TENM3: variants seen among roughly 807,000 people sequenced by gnomAD.
TENM3 encodes the protein teneurin transmembrane protein 3.
In TENM3, 63 loss-of-function variants were observed where a neutral mutation model predicts 255.1. The observed-to-expected ratio is 0.25, with a 90% CI of 0.20 to 0.30. The LOEUF (loss-of-function observed/expected upper bound fraction) is 0.30, where lower values mean the gene tolerates loss of function less well. Among genes scored for constraint, TENM3 ranks in the 10% least tolerant of loss-of-function variants. TENM3 has a pLI of 1.00. For synonymous variants in TENM3, 1,306 were observed against 1,322.3 expected (o/e 0.99, Z 0.27); for missense variants, 2,929 against 3,461.1 (o/e 0.85, Z 3.86).
the TENM3 span, among the ~76,000 whole-genome samples, chr4:181,923,401 G>A: frequency 6.6e-6 from 1 of 152,048 alleles, no homozygotes; most frequent in Non-Finnish European, 1.5e-5. Flanking sequence ...ATAAAGTCTG[G>A]GGACACATTA....
chr4:182,542,460 T>C (rs1197467829), intron 3 of TENM3, among the ~76,000 whole-genome samples: 2 of 152,202 alleles, frequency 1.3e-5, no homozygotes, highest in Non-Finnish European at 2.9e-5. Context: ...ATACAAATTC[T>C]TGAAGGAGAT....
Position 182,773,505 on chromosome 4 carries a change from G to T in TENM3, c.4926G>T (p.Thr1642=), listed in dbSNP as rs553027204. The T allele has an allele frequency of 3.7e-6, 6 of 1,613,086 alleles. No individual in the cohort carries two copies. Among genetic ancestry groups the T allele is most frequent in the African/African-American group, 2.7e-5 (2 of 75,016 alleles). The part of the protein sequence containing the change: ...YDSEGRLTNV[T]FPTGVVTNLH... ...GTGAAGGTCGTCTGACAAATGTTACGTTTCCAACTGGAGTGGTCACAAACC... is the reference window on the plus strand; with the variant it reads ...GTGAAGGTCGTCTGACAAATGTTACTTTTCCAACTGGAGTGGTCACAAACC... Residue 1642 remains threonine (T), a synonymous_variant, in exon 23 of 28, where the codon ACG becomes ACT. Coordinates refer to ENST00000511685, the MANE Select transcript of TENM3 (RefSeq NM_001080477.4).
the TENM3 span, among the ~76,000 whole-genome samples, chr4:181,890,673 AGT>A: frequency 6.6e-6 from 1 of 152,110 alleles, no homozygotes; most frequent in East Asian, 1.9e-4. Context: ...TCTTATCAGA[AGT>A]GTCTATTATA....
At chr4:182,435,951 A>AG (rs1491457499) in intron 3 of TENM3, among the ~76,000 whole-genome samples, 1 of 152,096 alleles carries the variant, frequency 6.6e-6, no homozygotes, top group African/African-American at 2.4e-5. Context: ...GAAAAAAAAA[A>AG]GAAATGGCAT....
chr4:182,274,309 C>T (rs184244015), intron 1 of TENM3, among the ~76,000 whole-genome samples: 49 of 152,236 alleles, frequency 3.2e-4, no homozygotes, highest in East Asian at 1.9e-4. Context: ...AGGGCAAGGA[C>T]GGAGAGGCCT....
the TENM3 span, among the ~76,000 whole-genome samples, chr4:181,870,040 T>C: frequency 1.3e-5 from 2 of 152,178 alleles, no homozygotes; most frequent in Non-Finnish European, 2.9e-5. Flanking sequence ...AAGGTTGGTT[T>C]TACCTACCCT....
rs779343065 is a variant in TENM3, at chr4:182,773,591, A to T, written c.5012A>T (p.Asp1671Val). 1 of 1,613,902 alleles carries T rather than the reference A, an allele frequency of 6.2e-7. No homozygotes were observed. Among genetic ancestry groups the T allele is most frequent in the South Asian group, 1.1e-5 (1 of 91,056 alleles). ...VDIESSSREEDVSITSNLSSI... is the reference protein window; with the variant it reads ...VDIESSSREEVVSITSNLSSI... Reference sequence around the variant, plus strand: ...ATTGAGTCATCTAGCCGAGAAGAAGATGTCAGCATCACTTCAAATCTGTCC... The same window carrying T: ...ATTGAGTCATCTAGCCGAGAAGAAGTTGTCAGCATCACTTCAAATCTGTCC... The change falls in exon 23 of 28, where the codon GAT becomes GTT. Residue 1671 changes from aspartate to valine, a missense_variant. Asp to Val is a radical substitution (Grantham distance 152). Around this residue, in one of 6 missense-constraint regions of TENM3, gnomAD observed 1,608 missense variants for 1,884.4 expected, o/e 0.85. Transcript: ENST00000511685.
chr4:182,684,314 G>A (rs898913881), intron 11 of TENM3, among the ~76,000 whole-genome samples: 1 of 150,926 alleles, frequency 6.6e-6, no homozygotes, highest in Non-Finnish European at 1.5e-5. Flanking sequence ...TTCAGTGAAG[G>A]GGTCTATCTA....
the TENM3 span, among the ~76,000 whole-genome samples, chr4:181,930,147 A>T: frequency 6.6e-6 from 1 of 152,180 alleles, no homozygotes; most frequent in East Asian, 1.9e-4. Context: ...ATCAAAAGCT[A>T]ACAAAAACAA....
chr4:181,800,293 C>T, the TENM3 span, among the ~76,000 whole-genome samples: 5 of 152,110 alleles, frequency 3.3e-5, no homozygotes, highest in African/African-American at 9.7e-5. Flanking sequence ...ATACTAAGAA[C>T]AGCCACCCAA....
chr4:181,898,012 C>A, the TENM3 span, among the ~76,000 whole-genome samples: 1 of 152,178 alleles, frequency 6.6e-6, no homozygotes. Flanking sequence ...ACCAACAATT[C>A]TATTTCTCTA....
rs1764858869 is a variant in TENM3, at chr4:182,346,939, C to T, written c.511+10C>T. 1.9e-6 allele frequency: 3 copies of T among 1,573,710 alleles called. No individual in the cohort carries two copies. The highest frequency in any genetic ancestry group is 1.4e-5 in the African/African-American group (1 of 73,944). On this transcript the variant is annotated intron_variant, in intron 3 of 27. Transcript: ENST00000511685. Reference sequence around the variant, plus strand: ...TCCGACAGTGAGAATGGTAAGTTTCCTTTTTGGCTTTATAATGTTGGCATT... The same window carrying T: ...TCCGACAGTGAGAATGGTAAGTTTCTTTTTTGGCTTTATAATGTTGGCATT...
chr4:181,544,564 G>A, the TENM3 span, among the ~76,000 whole-genome samples: 70 of 152,180 alleles, frequency 4.6e-4, no homozygotes, highest in African/African-American at 1.6e-3. Flanking sequence ...GCCCCCTGCC[G>A]CTGTCAGTTG....
At chr4:181,841,946 T>G in the TENM3 span, among the ~76,000 whole-genome samples, 11 of 152,132 alleles carry the variant, frequency 7.2e-5, no homozygotes, top group Non-Finnish European at 1.5e-4. Context: ...AAGGGGAGTT[T>G]TATAGATAAA....
Position 182,798,632 on chromosome 4 carries a change from C to T in TENM3, c.7345-964C>T, listed in dbSNP as rs117191425. Among the ~76,000 whole-genome samples the T allele has an allele frequency of 6.2e-4, 94 of 152,338 alleles. 3 individuals are homozygous for T. In the East Asian group the frequency reaches 0.018, roughly 29 times the overall value. On this transcript the variant is annotated intron_variant, in intron 27 of 27. Coordinates refer to ENST00000511685, the MANE Select transcript of TENM3 (RefSeq NM_001080477.4). ...AAGTTTCCTAATGCATTTGAACATG[C>T]ACTTCCTAATTGTGTATGACTTTCC... is the stretch of plus-strand genomic sequence containing the variant.
chr4:181,921,677 CA>C, the TENM3 span, among the ~76,000 whole-genome samples: 1 of 152,204 alleles, frequency 6.6e-6, no homozygotes, highest in Non-Finnish European at 1.5e-5. Context: ...ATGTCATCTT[CA>C]AACAGGGACA....
At chr4:181,595,421 A>T in the TENM3 span, among the ~76,000 whole-genome samples, 1 of 131,344 alleles carries the variant, frequency 7.6e-6, no homozygotes, top group Admixed American at 8.1e-5. Context: ...ACAGAGCGAG[A>T]CTCCATCCCA....
At chr4:181,503,331 A>C in the TENM3 span, among the ~76,000 whole-genome samples, 20 of 152,268 alleles carry the variant, frequency 1.3e-4, no homozygotes, top group Middle Eastern at 3.4e-3. Flanking sequence ...GCACCACTGC[A>C]CTCCAGCCTA....
intron 17 of TENM3, 35 bp from the exon 18 acceptor site, chr4:182,738,366 T>C: frequency 1.3e-6 from 2 of 1,533,280 alleles, no homozygotes; most frequent in East Asian, 2.4e-5. Context: ...CCCCCAGTCG[T>C]TGGAAAGATG....
Sources: allele counts gnomAD v4.1 joint callset (sites outside exome capture counted in the v4.1 genomes callset), GRCh38; gene constraint gnomAD v4.1.1; regional missense constraint gnomAD v4.1.1; transcripts MANE v1.5; gene names NCBI Gene and HGNC (gene_info 2026-07-23, HGNC 2026-07-21).